SLC27A4: variants seen among roughly 807,000 people sequenced by gnomAD.
The protein encoded by SLC27A4 is solute carrier family 27 member 4.
SLC27A4 carries 33 observed loss-of-function variants against 64.4 expected under a neutral mutation model. That is an observed-to-expected ratio of 0.51 (90% CI 0.39 to 0.68). SLC27A4 has a LOEUF of 0.68. SLC27A4 is among the 30% of genes least tolerant of loss of function. The pLI is 0.00. For missense variants in SLC27A4, 824 were observed against 883.5 expected (o/e 0.93, Z 0.85); for synonymous variants, 377 against 370.0 (o/e 1.02, Z -0.22).
intron 3 of SLC27A4, among the ~76,000 whole-genome samples, chr9:128,346,236 T>C (rs1156345898): frequency 6.8e-6 from 1 of 148,114 alleles, no homozygotes; most frequent in East Asian, 2.1e-4. Context: ...TTTGTTTTTT[T>C]TGTTGTTGTT....
At chr9:128,348,524 G>A in intron 3 of SLC27A4, 21 bp from the exon 4 acceptor site, 1 of 1,612,306 alleles carries the variant, frequency 6.2e-7, no homozygotes, top group Non-Finnish European at 8.5e-7. Flanking sequence ...CCTGCCTGCT[G>A]ACTGCCCTGT....
At chr9:128,356,916 AC>A (rs1227679117) in intron 12 of SLC27A4, among the ~76,000 whole-genome samples, 3 of 151,926 alleles carry the variant, frequency 2.0e-5, no homozygotes, top group African/African-American at 4.8e-5. Context: ...ACATGATGAA[AC>A]CCCGTCTCTA....
Position 128,340,737 on chromosome 9 carries a change from C to G in SLC27A4, c.-108C>G. 1 of 644,904 alleles carries G rather than the reference C, an allele frequency of 1.6e-6. No individual in the cohort carries two copies. The allele number at this position is 644,904 out of a possible 1,614,324, so 39.9% of individuals were successfully genotyped here. On this transcript the variant is annotated 5_prime_UTR_variant, in exon 1 of 13. Coordinates refer to ENST00000300456, the MANE Select transcript of SLC27A4 (RefSeq NM_005094.4). Reference sequence around the variant, plus strand: ...GAGCCGGCTAAACCCTGCTGAGACCCGGCTCCGTGCGTCCAGGGGCGGCTA... The same window carrying G: ...GAGCCGGCTAAACCCTGCTGAGACCGGGCTCCGTGCGTCCAGGGGCGGCTA...
intron 1 of SLC27A4, 53 bp from the exon 2 acceptor site, chr9:128,343,074 A>C: frequency 1.1e-5 from 18 of 1,602,978 alleles, no homozygotes; most frequent in African/African-American, 1.3e-5. Flanking sequence ...GCTGGGAGGT[A>C]GGAGACCTGG....
chr9:128,352,774 G>C (rs2131265029), intron 7 of SLC27A4, 27 bp downstream of exon 7: 1 of 1,533,220 alleles, frequency 6.5e-7, no homozygotes, highest in Non-Finnish European at 9.0e-7. Flanking sequence ...AGGGTGAGCT[G>C]TCCCTTTCCC....
rs368765948 is a variant in SLC27A4, at chr9:128,355,394, C to G, written c.1463-4C>G. On this transcript the variant is annotated splice_region_variant and splice_polypyrimidine_tract_variant and intron_variant, in intron 10 of 12. Coordinates refer to ENST00000300456, the MANE Select transcript of SLC27A4 (RefSeq NM_005094.4). ...CAGCCCTGCCTCATCCGGCCCCTCCCTAGGTGATGTGCTGGTGATGGACGA... is the reference window on the plus strand; with the variant it reads ...CAGCCCTGCCTCATCCGGCCCCTCCGTAGGTGATGTGCTGGTGATGGACGA... The G allele has an allele frequency of 1.2e-6, 2 of 1,613,496 alleles. No individual in the cohort carries two copies. The highest frequency in any genetic ancestry group is 1.1e-5 in the South Asian group (1 of 91,084).
At chr9:128,348,356 C>A (rs1301736159) in intron 3 of SLC27A4, among the ~76,000 whole-genome samples, 189 bp from the exon 4 acceptor site, 1 of 152,218 alleles carries the variant, frequency 6.6e-6, no homozygotes, top group East Asian at 1.9e-4. Context: ...CGGACCTACT[C>A]TGTGGTTAGC....
intron 6 of SLC27A4, among the ~76,000 whole-genome samples, chr9:128,350,942 A>G (rs1009386971): frequency 6.6e-5 from 10 of 152,184 alleles, no homozygotes; most frequent in African/African-American, 2.2e-4. Flanking sequence ...AAGTACAAAA[A>G]ATTAGCCAGG....
At chr9:128,348,173 G>C (rs551240851) in intron 3 of SLC27A4, among the ~76,000 whole-genome samples, 65 of 152,216 alleles carry the variant, frequency 4.3e-4, no homozygotes, top group African/African-American at 9.1e-4. Context: ...CGGGATAGTG[G>C]GGGGGAGCCC....
rs980340110 is a variant in SLC27A4 at position 128,355,069 on chromosome 9, G to C, written c.1341G>C (p.Leu447=). 5 of 1,610,832 alleles carry C rather than the reference G, an allele frequency of 3.1e-6. No individual in the cohort carries two copies. The highest frequency in any genetic ancestry group is 4.2e-6 in the Non-Finnish European group (5 of 1,178,744). ...IPCQPGEPGQ[L]VGRIIQKDPL... The stretch of plus-strand genomic sequence containing the variant: ...CCACCCCAGGTGAGCCGGGCCAGCT[G>C]GTGGGCCGCATCATCCAGAAAGACC... Residue 447 remains leucine, a synonymous_variant, in exon 10 of 13, where the codon CTG becomes CTC. Transcript: ENST00000300456.
At chr9:128,352,975 G>A (rs1218068537) in intron 7 of SLC27A4, 50 bp from the exon 8 acceptor site, 15 of 1,491,210 alleles carry the variant, frequency 1.0e-5, no homozygotes, top group Middle Eastern at 1.7e-4. Flanking sequence ...GAATCCTAGT[G>A]TAGTGAGGGC....
chr9:128,345,238 C>T lies in SLC27A4; in HGVS notation c.245C>T (p.Ser82Phe). The change falls in exon 3 of 13, where the codon TCT (serine) becomes TTT (phenylalanine). Residue 82 changes from serine (S) to phenylalanine (F), a missense_variant. Physicochemically the swap from Ser to Phe is radical, Grantham distance 155. Coordinates refer to ENST00000300456, the MANE Select transcript of SLC27A4 (RefSeq NM_005094.4). This position sits in a 1 kb window ranked among gnomAD's most constrained non-coding sequence, Gnocchi z 4.1. ...CGGACAGTGCCCATTTTGTTTGCCT[C>T]TACCGTTCGGCGCCACCCCGACAAG... ...ERRTVPILFA[S>F]TVRRHPDKTA... 6.2e-7 allele frequency: 1 copy of T among 1,613,842 alleles called. No individual in the cohort carries two copies. The highest frequency in any genetic ancestry group is 1.6e-4 in the Middle Eastern group (1 of 6,062).
chr9:128,358,725 G>C (rs1008540266), intron 12 of SLC27A4, among the ~76,000 whole-genome samples: 7 of 152,228 alleles, frequency 4.6e-5, no homozygotes, highest in African/African-American at 1.4e-4. Context: ...GGGATTACAG[G>C]CGTGAGCCAC....
intron 1 of SLC27A4, among the ~76,000 whole-genome samples, 168 bp downstream of exon 1, chr9:128,341,006 G>A (rs1330138762): frequency 1.3e-5 from 2 of 152,350 alleles, no homozygotes; most frequent in East Asian, 1.9e-4. Flanking sequence ...CGCGTGACCC[G>A]GGACAGGGGC....
chr9:128,355,042 C>T lies in SLC27A4; in HGVS notation c.1325-11C>T. ...CCTAGGGCAGATCTGACCCTGCCTT[C>T]CCCACCCCAGGTGAGCCGGGCCAGC... On this transcript the variant is annotated splice_polypyrimidine_tract_variant and intron_variant, in intron 9 of 12. Coordinates refer to ENST00000300456, the MANE Select transcript of SLC27A4 (RefSeq NM_005094.4). 1 of 1,609,464 alleles carries T rather than the reference C, an allele frequency of 6.2e-7. No individual in the cohort carries two copies. The highest frequency in any genetic ancestry group is 8.5e-7 in the Non-Finnish European group (1 of 1,178,266).
In SLC27A4 at chr9:128,340,799, C is replaced by T; in HGVS notation, c.-46C>T. 1 of 688,272 alleles carries T rather than the reference C, an allele frequency of 1.5e-6. No individual in the cohort carries two copies. Among genetic ancestry groups the T allele is most frequent in the Non-Finnish European group, 2.7e-6 (1 of 372,890 alleles). 42.6% of individuals were successfully genotyped at this position (688,272 alleles called of 1,614,324 possible). On this transcript the variant is annotated 5_prime_UTR_variant, in exon 1 of 13. Coordinates refer to ENST00000300456, the MANE Select transcript of SLC27A4 (RefSeq NM_005094.4). ...GCTGTCTACGCTGCTGCAACCGGGC[C>T]GCATCTGGACGGGGCGCCGCGCGGC...
chr9:128,341,204 A>T (rs1418468424), intron 1 of SLC27A4, among the ~76,000 whole-genome samples: 2 of 151,908 alleles, frequency 1.3e-5, no homozygotes, highest in African/African-American at 4.8e-5. Context: ...GGGGAGGGGG[A>T]GATGGTCTCC....
intron 6 of SLC27A4, among the ~76,000 whole-genome samples, chr9:128,352,144 G>A (rs1232730666): frequency 1.3e-5 from 2 of 151,400 alleles, no homozygotes; most frequent in African/African-American, 4.9e-5. Context: ...GCAGTGAGCC[G>A]AGATGGCATC....
chr9:128,345,236 C>T lies in SLC27A4; in HGVS notation c.243C>T (p.Ala81=), dbSNP rs1832636283. 1 of 1,613,722 alleles carries T rather than the reference C, an allele frequency of 6.2e-7. No homozygotes were observed. Among genetic ancestry groups the T allele is most frequent in the African/African-American group, 1.3e-5 (1 of 74,906 alleles). The change falls in exon 3 of 13, where the codon GCC becomes GCT. Residue 81 remains alanine, a synonymous_variant. Coordinates refer to ENST00000300456, the MANE Select transcript of SLC27A4 (RefSeq NM_005094.4). The surrounding 1 kb of genome is among the most constrained non-coding windows in gnomAD (Gnocchi z 4.1). ...QERRTVPILF[A]STVRRHPDKT... is the part of the protein sequence containing the mutation. ...GGCGGACAGTGCCCATTTTGTTTGC[C>T]TCTACCGTTCGGCGCCACCCCGACA...
Sources: gnomAD v4.1 joint callset for allele counts (sites outside exome capture counted in the v4.1 genomes callset) on GRCh38, gnomAD v4.1.1 for gene constraint, Gnocchi (gnomAD v3.1) non-coding constraint, MANE v1.5 for transcripts, NCBI Gene and HGNC (gene_info 2026-07-23, HGNC 2026-07-21) for gene names.